Variants in PEX7 observed in about 807,000 individuals in gnomAD.
PEX7 encodes peroxisomal biogenesis factor 7.
In PEX7, 34 loss-of-function variants were observed where a neutral mutation model predicts 47.5. The ratio of observed to expected loss-of-function variants is 0.72; its 90% CI spans 0.54 to 0.95. The LOEUF (loss-of-function observed/expected upper bound fraction) is 0.95, where lower values mean the gene tolerates loss of function less well. PEX7 is among the 40% of genes least tolerant of loss of function. PEX7 has a pLI of 0.00. For synonymous variants in PEX7, 141 were observed against 148.8 expected (o/e 0.95, Z 0.38); for missense variants, 394 against 400.3 (o/e 0.98, Z 0.13).
intron 5 of PEX7, among the ~76,000 whole-genome samples, chr6:136,863,340 G>T (rs1388476170): frequency 6.6e-6 from 1 of 151,886 alleles, no homozygotes; most frequent in African/African-American, 2.4e-5. Context: ...CCTTAGCTAG[G>T]TCCAAAAATG....
intron 8 of PEX7, among the ~76,000 whole-genome samples, chr6:136,874,257 G>A (rs1200335819): frequency 2.6e-5 from 4 of 152,182 alleles, no homozygotes; most frequent in Admixed American, 2.0e-4. Flanking sequence ...TTTTTGTGGA[G>A]TACTTTCTTG....
chr6:136,853,612 A>G (rs540366912), intron 5 of PEX7, among the ~76,000 whole-genome samples: 176 of 152,266 alleles, frequency 1.2e-3, no homozygotes, highest in African/African-American at 3.4e-3. Flanking sequence ...ACCATCCTAA[A>G]TTGTGAAAGT....
intron 1 of PEX7, 123 bp from the exon 2 acceptor site, chr6:136,825,091 C>T: frequency 1.3e-6 from 1 of 794,722 alleles, no homozygotes; most frequent in Non-Finnish European, 2.2e-6. Flanking sequence ...TATTCAAGGT[C>T]CCAAATACTT....
chr6:136,845,511 T>C, intron 3 of PEX7, 104 bp from the exon 4 acceptor site: 1 of 754,110 alleles, frequency 1.3e-6, no homozygotes, highest in South Asian at 1.4e-5. Context: ...TGTTTTGACA[T>C]AGTAAATTAG....
intron 5 of PEX7, among the ~76,000 whole-genome samples, chr6:136,854,148 CAATT>C (rs1327693593): frequency 6.6e-6 from 1 of 152,050 alleles, no homozygotes. Context: ...TAATTTGAAT[CAATT>C]AACCCTTTCA....
intron 3 of PEX7, chr6:136,830,050 G>C (rs1407857614): frequency 1.4e-6 from 1 of 714,880 alleles, no homozygotes; most frequent in Non-Finnish European, 2.6e-6. Context: ...AGCAACTAAT[G>C]GGTCATTTTC....
intron 5 of PEX7, among the ~76,000 whole-genome samples, chr6:136,854,095 G>C (rs1463184302): frequency 6.6e-6 from 1 of 151,974 alleles, no homozygotes; most frequent in African/African-American, 2.4e-5. Context: ...CGGTTAGTAA[G>C]GCTGAGTGTG....
intron 5 of PEX7, 27 bp downstream of exon 5, chr6:136,846,208 C>A: frequency 6.8e-7 from 1 of 1,460,454 alleles, no homozygotes. Flanking sequence ...TTACCAAAAG[C>A]CTTACTTGTA....
At chr6:136,823,481 C>A in intron 1 of PEX7, 1 of 379,746 alleles carries the variant, frequency 2.6e-6, no homozygotes, top group Non-Finnish European at 3.6e-6. Context: ...TCGCTTGAGC[C>A]CGGGATGTTG....
At chr6:136,833,072 A>T (rs968192891) in intron 3 of PEX7, among the ~76,000 whole-genome samples, 2 of 152,138 alleles carry the variant, frequency 1.3e-5, no homozygotes, top group African/African-American at 4.8e-5. Flanking sequence ...CCAATTCTCT[A>T]TATTAGTCCT....
intron 9 of PEX7, among the ~76,000 whole-genome samples, chr6:136,899,721 C>T (rs532148465): frequency 4.9e-4 from 75 of 152,166 alleles, no homozygotes; most frequent in East Asian, 1.5e-3. Context: ...TGAGTTTAAA[C>T]GATTCTCATT....
At chr6:136,858,948 G>C (rs1774910864) in intron 5 of PEX7, among the ~76,000 whole-genome samples, 1 of 152,204 alleles carries the variant, frequency 6.6e-6, no homozygotes, top group South Asian at 2.1e-4. Context: ...AGTTTGTAGT[G>C]TGGAACCCAT....
chr6:136,824,344 G>A (rs1236026197), intron 1 of PEX7, among the ~76,000 whole-genome samples: 2 of 152,042 alleles, frequency 1.3e-5, no homozygotes, highest in Non-Finnish European at 2.9e-5. Flanking sequence ...GGGACCACAG[G>A]CATGTACCAT....
At chr6:136,855,826 A>G in intron 5 of PEX7, 1 of 277,022 alleles carries the variant, frequency 3.6e-6, no homozygotes, top group Non-Finnish European at 6.9e-6. Flanking sequence ...AAGTGGAAAG[A>G]GGGTATTGAT....
At chr6:136,826,296 TTG>T (rs1220030518) in intron 2 of PEX7, 21 bp from the exon 3 acceptor site, 1 of 1,612,804 alleles carries the variant, frequency 6.2e-7, no homozygotes, top group African/African-American at 1.3e-5. Flanking sequence ...TATTTTTTTG[TTG>T]TTTGTTTTTT....
At chr6:136,853,786 T>C (rs968700270) in intron 5 of PEX7, among the ~76,000 whole-genome samples, 1 of 152,194 alleles carries the variant, frequency 6.6e-6, no homozygotes, top group Non-Finnish European at 1.5e-5. Flanking sequence ...GTAATGCCTA[T>C]GTATAGAGGC....
At chr6:136,840,679 G>A (rs1192723195) in intron 3 of PEX7, among the ~76,000 whole-genome samples, 1 of 152,218 alleles carries the variant, frequency 6.6e-6, no homozygotes, top group Non-Finnish European at 1.5e-5. Context: ...GTAACTTATG[G>A]TTGATGGTTG....
In PEX7 at chr6:136,826,395, G is replaced by A. The variant is rs760432040; in HGVS notation, c.265G>A (p.Asp89Asn). 13 of 1,613,888 alleles carry A rather than the reference G, an allele frequency of 8.1e-6. No individual in the cohort carries two copies. Among genetic ancestry groups the A allele is most frequent in the East Asian group, 6.7e-5 (3 of 44,868 alleles). The change falls in exon 3 of 10, where the codon GAT (aspartate) becomes AAT (asparagine). Residue 89 changes from aspartate (D) to asparagine (N), a missense_variant. Asp to Asn is a conservative substitution (Grantham distance 23). Transcript: ENST00000318471. ...NEHVLITCSGDGSLQLWDTAK... is the reference protein window; with the variant it reads ...NEHVLITCSGNGSLQLWDTAK... ...ACATGTCCTCATCACCTGTAGTGGC[G>A]ATGGCTCGCTGCAGCTCTGGGACAC...
intron 7 of PEX7, among the ~76,000 whole-genome samples, chr6:136,871,768 C>G (rs1475586901): frequency 6.6e-6 from 1 of 152,070 alleles, no homozygotes; most frequent in Non-Finnish European, 1.5e-5. Context: ...ACCATGTTGG[C>G]CAGGCTGGTC....
Sources: allele counts gnomAD v4.1 joint callset (sites outside exome capture counted in the v4.1 genomes callset), GRCh38; gene constraint gnomAD v4.1.1; transcripts MANE v1.5; gene names NCBI Gene and HGNC (gene_info 2026-07-23, HGNC 2026-07-21).